The following WASHC2C variants were observed in gnomAD, a reference collection of about 807,000 sequenced individuals.
WASHC2C encodes the protein Vaccinia Penetration Factor.
In WASHC2C, 73 loss-of-function variants were observed where a neutral mutation model predicts 142.2. The ratio of observed to expected loss-of-function variants is 0.51; its 90% CI spans 0.43 to 0.62. WASHC2C has a LOEUF of 0.62. WASHC2C is among the 20% of genes least tolerant of loss of function. The pLI, the probability that WASHC2C is intolerant of heterozygous loss-of-function variation, is 0.00. For synonymous variants in WASHC2C, 337 were observed against 565.5 expected (o/e 0.60, Z 5.73); for missense variants, 969 against 1,531.7 (o/e 0.63, Z 6.13).
chr10:45,790,741 T>C (rs2058347835), intron 30 of WASHC2C, among the ~76,000 whole-genome samples: 1 of 152,314 alleles, frequency 6.6e-6, no homozygotes, highest in South Asian at 2.1e-4. Context: ...ATCAAAGAAT[T>C]TGAAGGCACC....
chr10:45,751,859 C>A (rs1398221215), intron 11 of WASHC2C, among the ~76,000 whole-genome samples: 1 of 151,784 alleles, frequency 6.6e-6, no homozygotes, highest in Non-Finnish European at 1.5e-5. Context: ...TGCCTGTTGT[C>A]CCAGCTACTT....
At chr10:45,731,254 T>C (rs1219116005) in intron 3 of WASHC2C, among the ~76,000 whole-genome samples, 1 of 142,996 alleles carries the variant, frequency 7.0e-6, no homozygotes, top group African/African-American at 2.7e-5. Flanking sequence ...AGAGTCTTGC[T>C]CTGTCATCCA....
intron 19 of WASHC2C, among the ~76,000 whole-genome samples, chr10:45,766,074 A>C (rs1589815651): frequency 3.3e-5 from 5 of 152,266 alleles, no homozygotes; most frequent in Admixed American, 2.0e-4. Flanking sequence ...GCTAGGGGGG[A>C]AATGATTTCT....
chr10:45,755,086 C>G lies in WASHC2C; in HGVS notation c.1391C>G (p.Ser464Trp). The G allele has an allele frequency of 1.9e-6, 3 of 1,610,772 alleles. No homozygotes were observed. In the East Asian group the frequency reaches 6.7e-5, roughly 36 times the overall value. Residue 464 changes from serine (S) to tryptophan (W), a missense_variant, in exon 15 of 31, where the codon TCG (serine) becomes TGG (tryptophan). By Grantham distance (177) the Ser-to-Trp change is radical. Coordinates refer to ENST00000623400, the MANE Select transcript of WASHC2C (RefSeq NM_001330074.2). Reference sequence around the variant, plus strand: ...GGTGATGATGATGACGACTTTTTCTCGGCACCCCACAGCAAACCTTCTAAA... The same window carrying G: ...GGTGATGATGATGACGACTTTTTCTGGGCACCCCACAGCAAACCTTCTAAA... ...DDGDDDDDFF[S>W]APHSKPSKTR...
chr10:45,786,893 G>T, intron 27 of WASHC2C, 142 bp from the exon 28 acceptor site: 2 of 1,595,552 alleles, frequency 1.3e-6, no homozygotes. Flanking sequence ...TTAATTCTGA[G>T]ACTAGATTGG....
At chr10:45,761,351 C>T (rs1554879907) in intron 17 of WASHC2C, among the ~76,000 whole-genome samples, 1 of 152,176 alleles carries the variant, frequency 6.6e-6, no homozygotes, top group Non-Finnish European at 1.5e-5. Flanking sequence ...CCTTGGAAGT[C>T]AACGGTGGTC....
chr10:45,762,779 G>A (rs573677191), intron 17 of WASHC2C, among the ~76,000 whole-genome samples: 9 of 152,166 alleles, frequency 5.9e-5, no homozygotes, highest in Admixed American at 2.0e-4. Flanking sequence ...GGTGGCAGGC[G>A]CCTGTAGTCT....
intron 19 of WASHC2C, among the ~76,000 whole-genome samples, chr10:45,768,176 G>T (rs1227159446): frequency 1.3e-4 from 19 of 151,014 alleles, no homozygotes; most frequent in Admixed American, 4.0e-4. Flanking sequence ...GCAGTGAGCC[G>T]AGACCGCGCC....
chr10:45,735,550 C>T (rs2051122114), intron 3 of WASHC2C, among the ~76,000 whole-genome samples: 1 of 151,572 alleles, frequency 6.6e-6, no homozygotes, highest in South Asian at 2.1e-4. Context: ...GCCACTGTCC[C>T]CAGCAGGATT....
chr10:45,756,942 T>G, intron 15 of WASHC2C, 70 bp from the exon 16 acceptor site: 1 of 1,310,220 alleles, frequency 7.6e-7, no homozygotes, highest in Non-Finnish European at 1.0e-6. Flanking sequence ...GGGAAGAATT[T>G]TTTAATCTGT....
chr10:45,763,345 C>T, intron 17 of WASHC2C, 43 bp from the exon 18 acceptor site: 2 of 623,254 alleles, frequency 3.2e-6, no homozygotes, highest in East Asian at 5.5e-5. Context: ...ATTTTAAAAA[C>T]TGATATTCCT....
intron 23 of WASHC2C, 29 bp from the exon 24 acceptor site, chr10:45,784,536 T>C (rs1434667039): frequency 9.3e-6 from 15 of 1,610,586 alleles, no homozygotes; most frequent in Non-Finnish European, 1.3e-5. Flanking sequence ...ACAGCTCTAA[T>C]CACACATGAC....
At chr10:45,748,903 C>T (rs2053186755) in intron 8 of WASHC2C, among the ~76,000 whole-genome samples, 1 of 152,176 alleles carries the variant, frequency 6.6e-6, no homozygotes, top group Admixed American at 6.5e-5. Flanking sequence ...GCATGTCATT[C>T]CAAGTCTGTT....
intron 3 of WASHC2C, among the ~76,000 whole-genome samples, chr10:45,729,563 C>T (rs1262108424): frequency 6.6e-6 from 1 of 151,898 alleles, no homozygotes; most frequent in Non-Finnish European, 1.5e-5. Context: ...ACTGTTTCTT[C>T]TAGGTGGTAG....
intron 20 of WASHC2C, among the ~76,000 whole-genome samples, chr10:45,771,085 G>A (rs1396113721): frequency 1.3e-5 from 2 of 151,572 alleles, no homozygotes; most frequent in Admixed American, 1.3e-4. Flanking sequence ...AAGCCTTCCC[G>A]GCTGGGCGCA....
intron 8 of WASHC2C, 24 bp downstream of exon 8, chr10:45,746,671 C>T: frequency 6.2e-7 from 1 of 1,612,326 alleles, no homozygotes; most frequent in Non-Finnish European, 8.5e-7. Flanking sequence ...ATTGAAATGA[C>T]TTTGTTTTTA....
intron 5 of WASHC2C, among the ~76,000 whole-genome samples, chr10:45,742,795 T>A (rs1730202498): frequency 6.6e-6 from 1 of 151,962 alleles, no homozygotes; most frequent in African/African-American, 2.4e-5. Context: ...GGTAGGCTTT[T>A]GCCATTTTTG....
chr10:45,733,303 A>G (rs1429507774), intron 3 of WASHC2C, among the ~76,000 whole-genome samples: 1 of 152,266 alleles, frequency 6.6e-6, no homozygotes, highest in African/African-American at 2.4e-5. Flanking sequence ...GTCCAGCACA[A>G]GCCTGATATT....
At chr10:45,754,714 C>G (rs1554876410) in intron 14 of WASHC2C, among the ~76,000 whole-genome samples, 169 bp downstream of exon 14, 1 of 152,110 alleles carries the variant, frequency 6.6e-6, no homozygotes, top group African/African-American at 2.4e-5. Flanking sequence ...CTCTTATTCT[C>G]CTAGAGCTCA....
Sources: allele counts gnomAD v4.1 joint callset (sites outside exome capture counted in the v4.1 genomes callset), GRCh38; gene constraint gnomAD v4.1.1; transcripts MANE v1.5; gene names NCBI Gene and HGNC (gene_info 2026-07-23, HGNC 2026-07-21).